Variants in EBF1 observed in about 807,000 individuals in gnomAD.
EBF1 encodes the protein transcription factor COE1.
A neutral mutation model predicts 68.4 loss-of-function variants in EBF1; 10 were observed. That is an observed-to-expected ratio of 0.15 (90% CI 0.09 to 0.25). The LOEUF is 0.25. Ranked by LOEUF, EBF1 falls within the 10% of genes least tolerant of loss-of-function variation. EBF1 has a pLI of 1.00. For synonymous variants in EBF1, 298 were observed against 299.8 expected (o/e 0.99, Z 0.06); for missense variants, 509 against 794.4 (o/e 0.64, Z 4.32).
At chr5:158,779,232 CCTTT>C (rs889539453) in intron 9 of EBF1, among the ~76,000 whole-genome samples, 1 of 151,964 alleles carries the variant, frequency 6.6e-6, no homozygotes, top group Non-Finnish European at 1.5e-5. Flanking sequence ...GTATTTTTAT[CCTTT>C]TTTTTTTCAG....
chr5:158,820,586 T>C (rs1466893392), intron 8 of EBF1, among the ~76,000 whole-genome samples: 1 of 152,176 alleles, frequency 6.6e-6, no homozygotes, highest in African/African-American at 2.4e-5. Flanking sequence ...CTACCCTTTC[T>C]TTCCACTGGA....
intron 6 of EBF1, among the ~76,000 whole-genome samples, chr5:158,871,610 C>T (rs2128060743): frequency 6.6e-6 from 1 of 152,312 alleles, no homozygotes; most frequent in South Asian, 2.1e-4. Flanking sequence ...ATAAAACCCC[C>T]TGGCCAAGGA....
At chr5:158,898,741 C>T (rs542273640) in intron 6 of EBF1, among the ~76,000 whole-genome samples, 64 of 152,322 alleles carry the variant, frequency 4.2e-4, no homozygotes, top group East Asian at 1.4e-3. Context: ...TCAGGAACCT[C>T]GCTTTTTTAT....
At chr5:158,833,757 T>C (rs1407225240) in intron 7 of EBF1, among the ~76,000 whole-genome samples, 2 of 152,194 alleles carry the variant, frequency 1.3e-5, no homozygotes, top group African/African-American at 2.4e-5. Flanking sequence ...CCTTGTACCA[T>C]TATGTGAGCA....
chr5:158,968,872 A>G (rs1754724053), intron 6 of EBF1, among the ~76,000 whole-genome samples: 1 of 152,240 alleles, frequency 6.6e-6, no homozygotes, highest in Admixed American at 6.5e-5. Flanking sequence ...TAAAGTTGTG[A>G]AATGACATCT....
intron 3 of EBF1, 78 bp from the exon 4 acceptor site, chr5:159,095,753 C>T: frequency 2.1e-6 from 3 of 1,457,662 alleles, no homozygotes; most frequent in South Asian, 1.2e-5. Flanking sequence ...TTAACAACAA[C>T]AAAAAATAAC....
At chr5:158,828,988 A>G (rs775507253) in intron 7 of EBF1, among the ~76,000 whole-genome samples, 12 of 152,202 alleles carry the variant, frequency 7.9e-5, no homozygotes, top group Non-Finnish European at 1.5e-4. Flanking sequence ...AAAAGGCAAA[A>G]CTATGAAGAC....
chr5:158,888,143 G>T (rs1052569398), intron 6 of EBF1, among the ~76,000 whole-genome samples: 1 of 152,102 alleles, frequency 6.6e-6, no homozygotes, highest in Non-Finnish European at 1.5e-5. Context: ...GGAAAGAGAC[G>T]CCACAAAAGG....
At chr5:158,822,210 T>C (rs1784990926) in intron 8 of EBF1, among the ~76,000 whole-genome samples, 2 of 151,978 alleles carry the variant, frequency 1.3e-5, no homozygotes, top group Non-Finnish European at 2.9e-5. Context: ...GAAAGTCTAA[T>C]ATGGTGACTG....
At chr5:158,892,593 C>T (rs914991913) in intron 6 of EBF1, among the ~76,000 whole-genome samples, 6 of 152,146 alleles carry the variant, frequency 3.9e-5, no homozygotes, top group African/African-American at 7.2e-5. Flanking sequence ...GTCAAAACTT[C>T]GTTTCATGCA....
At chr5:158,969,490 G>A (rs1214060364) in intron 6 of EBF1, among the ~76,000 whole-genome samples, 1 of 150,900 alleles carries the variant, frequency 6.6e-6, no homozygotes, top group African/African-American at 2.4e-5. Context: ...GGGGCCGGGG[G>A]CTGTGGCTCA....
intron 4 of EBF1, among the ~76,000 whole-genome samples, chr5:159,089,247 C>T (rs1413063094): frequency 6.6e-6 from 1 of 152,064 alleles, no homozygotes; most frequent in Non-Finnish European, 1.5e-5. Context: ...GTTAAACTTG[C>T]ATATTCTTAT....
chr5:159,056,133 G>A (rs1007841845), intron 6 of EBF1, among the ~76,000 whole-genome samples: 7 of 152,126 alleles, frequency 4.6e-5, no homozygotes, highest in African/African-American at 1.7e-4. Context: ...CCTGTTGAAT[G>A]ATTTATGACA....
intron 10 of EBF1, among the ~76,000 whole-genome samples, chr5:158,746,127 T>G (rs1767508974): frequency 6.6e-6 from 1 of 152,218 alleles, no homozygotes. Flanking sequence ...GTCTGAGAGC[T>G]GCAAATGGTT....
At chr5:158,986,441 A>G (rs955028878) in intron 6 of EBF1, 3 of 152,246 alleles carry the variant, frequency 2.0e-5, no homozygotes, top group Non-Finnish European at 2.9e-5. Context: ...AACACACAGA[A>G]GTGCTGCATC....
intron 8 of EBF1, among the ~76,000 whole-genome samples, chr5:158,805,743 T>C (rs1404304736): frequency 1.3e-5 from 2 of 152,028 alleles, no homozygotes; most frequent in African/African-American, 2.4e-5. Context: ...CCCACAAAGA[T>C]AAAAAAGATA....
chr5:158,950,579 A>C (rs1376661779), intron 6 of EBF1, among the ~76,000 whole-genome samples: 1 of 152,242 alleles, frequency 6.6e-6, no homozygotes, highest in Non-Finnish European at 1.5e-5. Flanking sequence ...CTTACGAGTA[A>C]AATTGGCCCC....
intron 6 of EBF1, among the ~76,000 whole-genome samples, chr5:158,949,449 G>T (rs956938979): frequency 6.6e-6 from 1 of 152,112 alleles, no homozygotes; most frequent in Non-Finnish European, 1.5e-5. Flanking sequence ...GGGCAACACA[G>T]TGAGACCCCC....
At chr5:158,835,900 T>C (rs756868789) in intron 7 of EBF1, among the ~76,000 whole-genome samples, 4 of 152,216 alleles carry the variant, frequency 2.6e-5, no homozygotes, top group Non-Finnish European at 4.4e-5. Context: ...TTGCACAATG[T>C]CTCTCACTAA....
Sources: allele counts gnomAD v4.1 joint callset (sites outside exome capture counted in the v4.1 genomes callset), GRCh38; gene constraint gnomAD v4.1.1; transcripts MANE v1.5; gene names NCBI Gene and HGNC (gene_info 2026-07-23, HGNC 2026-07-21).